The following ASS1 variants were observed in gnomAD, a reference collection of about 807,000 sequenced individuals.
ASS1 encodes the protein argininosuccinate synthase.
In ASS1, 58 loss-of-function variants were observed where a neutral mutation model predicts 60.5. The observed-to-expected ratio is 0.96, with a 90% CI of 0.78 to 1.19. ASS1 has a LOEUF of 1.19. Among genes scored for constraint, ASS1 ranks in the 50% most tolerant of loss-of-function variants. ASS1 has a pLI of 0.00. For synonymous variants in ASS1, 200 were observed against 206.9 expected (o/e 0.97, Z 0.29); for missense variants, 454 against 547.3 (o/e 0.83, Z 1.70).
chr9:130,476,699 G>A lies in ASS1; in HGVS notation c.598-172G>A, dbSNP rs1263483344. ...CCAGCCCTTTGTTTCCCAGGCCTCT[G>A]GCAAGCGAGGCTGGTGCTAGGCTGA... On this transcript the variant is annotated intron_variant, in intron 8 of 14. Transcript: ENST00000352480. The surrounding 1 kb of genome is among the most constrained non-coding windows in gnomAD (Gnocchi z 4.9). The A allele has an allele frequency of 2.9e-6, 2 of 684,642 alleles. No homozygotes were observed. The highest frequency in any genetic ancestry group is 4.7e-5 in the Admixed American group (2 of 42,758). 42.4% of individuals were successfully genotyped at this position (684,642 alleles called of 1,614,324 possible). A position where few individuals can be genotyped will look rare whatever the true frequency, so the allele number is the denominator to read the frequency against.
At chr9:130,499,643 T>C in intron 14 of ASS1, 73 bp downstream of exon 14, 1 of 1,474,896 alleles carries the variant, frequency 6.8e-7, no homozygotes, top group South Asian at 1.2e-5. Context: ...AGCCCCCAGG[T>C]GTAAAGGGTA....
chr9:130,447,214 G>A (rs147637395), intron 1 of ASS1, among the ~76,000 whole-genome samples: 53 of 152,336 alleles, frequency 3.5e-4, no homozygotes, highest in African/African-American at 1.3e-3. Flanking sequence ...TAGGAGCCAG[G>A]GAGTGGAAGG....
intron 4 of ASS1, among the ~76,000 whole-genome samples, chr9:130,461,507 G>A (rs1359088301): frequency 6.6e-6 from 1 of 152,178 alleles, no homozygotes; most frequent in Non-Finnish European, 1.5e-5. Context: ...GGACTTGGGG[G>A]CGTCCCTGCA....
chr9:130,481,033 T>C (rs1846160993), intron 11 of ASS1, among the ~76,000 whole-genome samples: 1 of 152,242 alleles, frequency 6.6e-6, no homozygotes, highest in Non-Finnish European at 1.5e-5. Flanking sequence ...CCACCTCGGC[T>C]GGCCTCTAGC....
Position 130,489,963 on chromosome 9 carries a change from G to T in ASS1, c.970+499G>T, listed in dbSNP as rs558070118. Among the ~76,000 whole-genome samples the T allele has an allele frequency of 6.6e-5, 10 of 152,236 alleles. No individual in the cohort carries two copies. The highest frequency in any genetic ancestry group is 1.5e-4 in the Non-Finnish European group (10 of 68,042). On this transcript the variant is annotated intron_variant, in intron 12 of 14. Transcript: ENST00000352480. This position sits in a 1 kb window ranked among gnomAD's most constrained non-coding sequence, Gnocchi z 4.1. ...CCTGGACCTACTCCATGAACTTGAG[G>T]GAGAGGCTCCCTGGACCAGGAACTC...
At chr9:130,457,855 G>A (rs1015556999) in intron 3 of ASS1, among the ~76,000 whole-genome samples, 3 of 152,102 alleles carry the variant, frequency 2.0e-5, no homozygotes, top group Admixed American at 1.3e-4. Flanking sequence ...TTCACAGAAC[G>A]GTGCATCAGG....
rs1846359462 is a variant in ASS1 at position 130,488,393 on chromosome 9, G to A, written c.839-940G>A. The stretch of plus-strand genomic sequence containing the variant: ...CAGCTGCAGGGCAGGCTTGCCCAAG[G>A]GCCAGCTCTGAAGTTGATGCGAGAG... On this transcript the variant is annotated intron_variant, in intron 11 of 14. Transcript: ENST00000352480. This position sits in a 1 kb window ranked among gnomAD's most constrained non-coding sequence, Gnocchi z 5.2. Among the ~76,000 whole-genome samples the A allele has an allele frequency of 6.6e-6, 1 of 152,240 alleles. No homozygotes were observed. Among genetic ancestry groups the A allele is most frequent in the Non-Finnish European group, 1.5e-5 (1 of 68,022 alleles).
chr9:130,446,269 A>T (rs532269469), intron 1 of ASS1, among the ~76,000 whole-genome samples: 2 of 152,178 alleles, frequency 1.3e-5, no homozygotes, highest in Non-Finnish European at 2.9e-5. Flanking sequence ...CCTGGGTCCA[A>T]TTGCACAATA....
At position 130,477,630 on chromosome 9, in the gene ASS1, C is replaced by T. The variant is rs1020572657; in HGVS notation, c.688+669C>T. 7.2e-5 allele frequency among the ~76,000 whole-genome samples: 11 copies of T among 152,300 alleles called. No homozygotes were observed. The highest frequency in any genetic ancestry group is 6.5e-4 in the Admixed American group (10 of 15,298). ...AGCTTGGGAGAGGGCATCTCTTGGC[C>T]TGGAGGAAGGATGGAGAAGCGAGGC... On this transcript the variant is annotated intron_variant, in intron 9 of 14. Coordinates refer to ENST00000352480, the MANE Select transcript of ASS1 (RefSeq NM_054012.4). The surrounding 1 kb of genome is among the most constrained non-coding windows in gnomAD (Gnocchi z 4.2).
chr9:130,460,784 A>G lies in ASS1; in HGVS notation c.363+2195A>G, dbSNP rs3780589. On this transcript the variant is annotated intron_variant, in intron 4 of 14. Coordinates refer to ENST00000352480, the MANE Select transcript of ASS1 (RefSeq NM_054012.4). Reference sequence around the variant, plus strand: ...GGTTGGATGGAGGTGGCCAGTGACTACCCCAGCGAGATGCTGGGGAAGAGA... The same window carrying G: ...GGTTGGATGGAGGTGGCCAGTGACTGCCCCAGCGAGATGCTGGGGAAGAGA... 5.3e-5 allele frequency among the ~76,000 whole-genome samples: 8 copies of G among 152,118 alleles called. No individual in the cohort carries two copies. In the East Asian group the frequency reaches 1.6e-3, roughly 30 times the overall value.
rs1488130589 is a variant in ASS1, at chr9:130,465,052, ATATAT to A, written c.420+887_420+891del. ...ATATGTTTTATATATATATATATAT[ATATAT>A]TTTTTTTTTTTCTTTTTCTGGAGAC... On this transcript the variant is annotated intron_variant, in intron 5 of 14. Transcript: ENST00000352480. Among the ~76,000 whole-genome samples, 260 of 70,578 alleles carry A rather than the reference ATATAT, an allele frequency of 3.7e-3. 1 individual carries two copies. Among genetic ancestry groups the A allele is most frequent in the African/African-American group, 0.015 (209 of 14,370 alleles). The allele number at this position is 70,578 out of a possible 152,430, so 46.3% of individuals were successfully genotyped here. A position where few individuals can be genotyped will look rare whatever the true frequency, so the allele number is the denominator to read the frequency against.
At chr9:130,464,199 C>T (rs1287655689) in intron 5 of ASS1, 32 bp downstream of exon 5, 1 of 1,606,880 alleles carries the variant, frequency 6.2e-7, no homozygotes, top group Admixed American at 1.7e-5. Flanking sequence ...TAGCAGGGAG[C>T]ACTAGCATCT....
At position 130,489,308 on chromosome 9, in the gene ASS1, T is replaced by C. The variant is rs1846388875; in HGVS notation, c.839-25T>C. 24 of 1,613,016 alleles carry C rather than the reference T, an allele frequency of 1.5e-5. No homozygotes were observed. Among genetic ancestry groups the C allele is most frequent in the Non-Finnish European group, 2.0e-5 (24 of 1,179,742 alleles). ...TGCGTTTCTCTCTTTTTTCTCCTTT[T>C]CCCCCTGCCTGGAAAAATGGCTAGG... On this transcript the variant is annotated intron_variant, in intron 11 of 14. Coordinates refer to ENST00000352480, the MANE Select transcript of ASS1 (RefSeq NM_054012.4). This position sits in a 1 kb window ranked among gnomAD's most constrained non-coding sequence, Gnocchi z 4.1.
intron 4 of ASS1, 144 bp downstream of exon 4, chr9:130,458,733 A>C: frequency 8.6e-7 from 1 of 1,159,894 alleles, no homozygotes; most frequent in Non-Finnish European, 1.2e-6. Flanking sequence ...TTAGACCCCA[A>C]TGAGAGGGGT....
intron 7 of ASS1, among the ~76,000 whole-genome samples, chr9:130,471,269 A>G (rs555804454): frequency 6.6e-6 from 1 of 152,352 alleles, no homozygotes; most frequent in East Asian, 1.9e-4. Flanking sequence ...GGCAGTCCCC[A>G]GAAGACAGGT....
At chr9:130,479,974 A>G in intron 10 of ASS1, 174 bp downstream of exon 10, 1 of 819,686 alleles carries the variant, frequency 1.2e-6, no homozygotes. Flanking sequence ...TTGGCAGGAG[A>G]GGCTCCGTGG....
intron 12 of ASS1, among the ~76,000 whole-genome samples, chr9:130,492,083 T>G (rs1846462680): frequency 6.6e-6 from 1 of 152,206 alleles, no homozygotes. Context: ...GTATGAGTAT[T>G]TGTAAAGCAC....
chr9:130,495,085 TC>T (rs1448666462), intron 13 of ASS1, 62 bp downstream of exon 13: 2 of 1,540,824 alleles, frequency 1.3e-6, no homozygotes, highest in Admixed American at 3.9e-5. Context: ...TTTGACTGGA[TC>T]CTCAAGACAT....
At chr9:130,458,298 G>A in intron 3 of ASS1, 103 bp from the exon 4 acceptor site, 2 of 1,321,598 alleles carry the variant, frequency 1.5e-6, no homozygotes, top group East Asian at 2.3e-5. Context: ...TACAGCGGGG[G>A]TGGCCCCGTA....
Sources: allele counts gnomAD v4.1 joint callset (sites outside exome capture counted in the v4.1 genomes callset), GRCh38; gene constraint gnomAD v4.1.1; non-coding constraint Gnocchi (gnomAD v3.1); transcripts MANE v1.5; gene names NCBI Gene and HGNC (gene_info 2026-07-23, HGNC 2026-07-21).